The following SBNO2 variants were observed in gnomAD, a reference collection of about 807,000 sequenced individuals.
SBNO2 encodes strawberry notch homolog 2.
A neutral mutation model predicts 146.3 loss-of-function variants in SBNO2; 89 were observed. That is an observed-to-expected ratio of 0.61 (90% CI 0.51 to 0.73). SBNO2 has a LOEUF of 0.73. Ranked by LOEUF, SBNO2 falls within the 30% of genes least tolerant of loss-of-function variation. The probability of loss-of-function intolerance (pLI) is 0.00; values close to 1 mark genes in which losing one functional copy is unlikely to be tolerated. For missense variants in SBNO2, 2,092 were observed against 2,003.7 expected (o/e 1.04, Z -0.84); for synonymous variants, 1,147 against 892.6 (o/e 1.29, Z -5.08).
intron 4 of SBNO2, among the ~76,000 whole-genome samples, chr19:1,139,872 G>A (rs2080119112): frequency 6.6e-6 from 1 of 152,148 alleles, no homozygotes; most frequent in South Asian, 2.1e-4. Context: ...TTGAACCTGG[G>A]AGGCAGAGTT....
intron 11 of SBNO2, 119 bp downstream of exon 11, chr19:1,122,020 T>G: frequency 2.0e-5 from 4 of 195,946 alleles, no homozygotes; most frequent in Non-Finnish European, 3.1e-5. Context: ...GCTCCTACCC[T>G]CTCCCATCCT....
At chr19:1,164,699 CAGGAGG>C (rs1186629683) in intron 1 of SBNO2, among the ~76,000 whole-genome samples, 2 of 2,060 alleles carry the variant, frequency 9.7e-4, no homozygotes, top group Admixed American at 4.9e-3. Flanking sequence ...GGAGGAAGAA[CAGGAGG>C]AGGAGGAGGA....
chr19:1,150,990 C>T lies in SBNO2; in HGVS notation c.94-1548G>A, dbSNP rs2080237365. Among the ~76,000 whole-genome samples the T allele has an allele frequency of 6.6e-6, 1 of 152,252 alleles. No homozygotes were observed. The highest frequency in any genetic ancestry group is 6.5e-5 in the Admixed American group (1 of 15,288). ...AGGCCGGCAGCCTGGGCACCCTGAGCTCCTGCACCCGTGAGAAGACCCCGT... is the reference window on the plus strand; with the variant it reads ...AGGCCGGCAGCCTGGGCACCCTGAGTTCCTGCACCCGTGAGAAGACCCCGT... On this transcript the variant is annotated intron_variant, in intron 2 of 31. Coordinates refer to ENST00000361757, the MANE Select transcript of SBNO2 (RefSeq NM_014963.3). The surrounding 1 kb of genome is among the most constrained non-coding windows in gnomAD (Gnocchi z 6.2).
intron 1 of SBNO2, among the ~76,000 whole-genome samples, chr19:1,162,133 T>TG (rs2080353375): frequency 1.5e-5 from 2 of 129,580 alleles, no homozygotes; most frequent in Non-Finnish European, 3.4e-5. Context: ...GGAGCAGGGA[T>TG]GGGGTCTTTT....
At chr19:1,153,505 C>T (rs1431279164) in intron 2 of SBNO2, among the ~76,000 whole-genome samples, 1 of 151,848 alleles carries the variant, frequency 6.6e-6, no homozygotes, top group Non-Finnish European at 1.5e-5. Context: ...TCTGAAAGTG[C>T]TAGGATTACA....
rs535980158 is a variant in SBNO2 at position 1,126,041 on chromosome 19, G to T, written c.441+1563C>A. The stretch of plus-strand genomic sequence containing the variant: ...AATAAGAGCATCTCTTCTAGACCCG[G>T]TCCCCCCCTTGAACTCCAACGTCCT... On this transcript the variant is annotated intron_variant, in intron 5 of 31. Transcript: ENST00000361757. This position sits in a 1 kb window ranked among gnomAD's most constrained non-coding sequence, Gnocchi z 4.4. Among the ~76,000 whole-genome samples, 9 of 152,224 alleles carry T rather than the reference G, an allele frequency of 5.9e-5. No individual in the cohort carries two copies. The highest frequency in any genetic ancestry group is 1.9e-4 in the African/African-American group (8 of 41,540).
chr19:1,126,379 C>T lies in SBNO2; in HGVS notation c.441+1225G>A, dbSNP rs1287483064. 2.6e-5 allele frequency among the ~76,000 whole-genome samples: 4 copies of T among 152,110 alleles called. No individual in the cohort carries two copies. Among genetic ancestry groups the T allele is most frequent in the Admixed American group, 1.3e-4 (2 of 15,274 alleles). On this transcript the variant is annotated intron_variant, in intron 5 of 31. Transcript: ENST00000361757. The surrounding 1 kb of genome is among the most constrained non-coding windows in gnomAD (Gnocchi z 4.4). ...GCGGGCATTGGGTTTCAGATGCCCT[C>T]GTGCCGGCCACAGCAGGCCGGTCAG...
In SBNO2 at chr19:1,114,223, G is replaced by T; in HGVS notation, c.2077+8C>A. The T allele has an allele frequency of 6.9e-7, 1 of 1,455,812 alleles. No homozygotes were observed. 90.2% of individuals were successfully genotyped at this position (1,455,812 alleles called of 1,614,324 possible). ...ACAGGTGGCTGGCCAGCCTGGGCAA[G>T]CCCTCACCCCGGTCGTCACTGGGGA... On this transcript the variant is annotated splice_region_variant and intron_variant, in intron 18 of 31. Transcript: ENST00000361757.
intron 4 of SBNO2, among the ~76,000 whole-genome samples, chr19:1,128,673 G>A (rs1028988497): frequency 3.6e-4 from 54 of 151,112 alleles, no homozygotes; most frequent in African/African-American, 1.3e-3. Flanking sequence ...GATTACAGGC[G>A]TGAGCCACCG....
In SBNO2 at chr19:1,151,484, C is replaced by T. The variant is rs554277913; in HGVS notation, c.94-2042G>A. 2.0e-5 allele frequency among the ~76,000 whole-genome samples: 3 copies of T among 152,326 alleles called. No homozygotes were observed. In the East Asian group the frequency reaches 5.8e-4, roughly 29 times the overall value. ...TCTGAGACCTGCCATCCACACACAC[C>T]CGAGTCCCACCCCACAGGGGTGCCA... On this transcript the variant is annotated intron_variant, in intron 2 of 31. Coordinates refer to ENST00000361757, the MANE Select transcript of SBNO2 (RefSeq NM_014963.3).
At chr19:1,113,726 AG>A in intron 18 of SBNO2, 22 bp from the exon 19 acceptor site, 1 of 1,480,160 alleles carries the variant, frequency 6.8e-7, no homozygotes, top group Non-Finnish European at 9.0e-7. Context: ...GTGGAGGGTC[AG>A]GGCAGGACAT....
chr19:1,143,523 A>C (rs1483793391), intron 4 of SBNO2, among the ~76,000 whole-genome samples: 1 of 152,158 alleles, frequency 6.6e-6, no homozygotes, highest in Non-Finnish European at 1.5e-5. Flanking sequence ...TTATCCTCTC[A>C]CAGTCTGGAG....
Position 1,119,469 on chromosome 19 carries a change from C to A in SBNO2, c.1373+47G>T, listed in dbSNP as rs750229413. ...CTTGGGCTGATGGGCCTGAGGCCTC[C>A]TCCCCACCCCCCGCCGCCCCTCCAC... is the stretch of plus-strand genomic sequence containing the variant. On this transcript the variant is annotated intron_variant, in intron 13 of 31. Transcript: ENST00000361757. 1.1e-5 allele frequency: 16 copies of A among 1,412,594 alleles called. No individual in the cohort carries two copies. The Admixed American group carries it at 2.2e-4, about 19-fold the overall frequency. 87.5% of individuals were successfully genotyped at this position (1,412,594 alleles called of 1,614,324 possible). A position where few individuals can be genotyped will look rare whatever the true frequency, so the allele number is the denominator to read the frequency against.
At position 1,109,666 on chromosome 19, in the gene SBNO2, T is replaced by C; in HGVS notation, c.3123+17A>G. ...GGGGTGGGCAGAGTGTGAGGGGCTG[T>C]GGGGCTTCCTGCTGACCTTGTAGAA... On this transcript the variant is annotated intron_variant, in intron 27 of 31. Coordinates refer to ENST00000361757, the MANE Select transcript of SBNO2 (RefSeq NM_014963.3). This position sits in a 1 kb window ranked among gnomAD's most constrained non-coding sequence, Gnocchi z 4.2. The C allele has an allele frequency of 1.2e-6, 2 of 1,606,508 alleles. No homozygotes were observed. The highest frequency in any genetic ancestry group is 1.7e-6 in the Non-Finnish European group (2 of 1,176,636).
intron 1 of SBNO2, among the ~76,000 whole-genome samples, chr19:1,164,159 T>C (rs951619300): frequency 6.6e-6 from 1 of 151,984 alleles, no homozygotes; most frequent in Non-Finnish European, 1.5e-5. Context: ...GGGAAGCCCC[T>C]GCCCATGGCT....
chr19:1,134,939 G>C (rs1347530770), intron 4 of SBNO2, among the ~76,000 whole-genome samples: 1 of 151,488 alleles, frequency 6.6e-6, no homozygotes, highest in Non-Finnish European at 1.5e-5. Flanking sequence ...CCAGCTACTC[G>C]GGAGGCTGAG....
intron 10 of SBNO2, 24 bp downstream of exon 10, chr19:1,122,444 T>G: frequency 6.4e-7 from 1 of 1,559,186 alleles, no homozygotes; most frequent in Non-Finnish European, 8.7e-7. Flanking sequence ...CCTTGCCCCC[T>G]ACTTTGCCGA....
At chr19:1,134,522 T>G (rs1262703993) in intron 4 of SBNO2, among the ~76,000 whole-genome samples, 2 of 148,620 alleles carry the variant, frequency 1.3e-5, no homozygotes, top group Non-Finnish European at 3.0e-5. Flanking sequence ...GACCTCACAC[T>G]CAGTGAAAGA....
intron 4 of SBNO2, among the ~76,000 whole-genome samples, chr19:1,132,878 G>T (rs966034075): frequency 3.9e-5 from 6 of 152,246 alleles, no homozygotes; most frequent in Non-Finnish European, 5.9e-5. Context: ...CGGCCCCCTG[G>T]GCAGGAACAA....
Sources: gnomAD v4.1 joint callset for allele counts (sites outside exome capture counted in the v4.1 genomes callset) on GRCh38, gnomAD v4.1.1 for gene constraint, Gnocchi (gnomAD v3.1) non-coding constraint, MANE v1.5 for transcripts, NCBI Gene and HGNC (gene_info 2026-07-23, HGNC 2026-07-21) for gene names.